NCAN: variants seen among roughly 807,000 people sequenced by gnomAD.
The protein encoded by NCAN is neurocan core protein.
A neutral mutation model predicts 121.8 loss-of-function variants in NCAN; 47 were observed. The ratio of observed to expected loss-of-function variants is 0.39; its 90% CI spans 0.31 to 0.49. The LOEUF is 0.49. NCAN is among the 20% of genes least tolerant of loss of function. NCAN has a pLI of 0.92. For synonymous variants in NCAN, 633 were observed against 702.0 expected, an observed-to-expected ratio of 0.90 and a Z score of 1.55; for missense variants, 1,517 against 1,773.4, an observed-to-expected ratio of 0.86 and a Z score of 2.60.
intron 8 of NCAN, among the ~76,000 whole-genome samples, chr19:19,229,789 A>G (rs940979465): frequency 3.9e-5 from 6 of 152,212 alleles, no homozygotes; most frequent in African/African-American, 1.4e-4. Context: ...CAAACAAACA[A>G]AAAAGAGGCT....
At chr19:19,226,016 A>G (rs952023853) in intron 6 of NCAN, among the ~76,000 whole-genome samples, 12 of 147,918 alleles carry the variant, frequency 8.1e-5, no homozygotes, top group African/African-American at 3.0e-4. Flanking sequence ...TGCAACCTCC[A>G]CCTCCCTTGT....
chr19:19,237,072 C>A (rs534993663), intron 10 of NCAN, among the ~76,000 whole-genome samples: 1 of 150,504 alleles, frequency 6.6e-6, no homozygotes, highest in Non-Finnish European at 1.5e-5. Context: ...TACCACCACA[C>A]GTGACTCAAT....
chr19:19,250,844 C>A lies in NCAN; in HGVS notation c.*933C>A. On this transcript the variant is annotated 3_prime_UTR_variant, in exon 15 of 15. Transcript: ENST00000252575. ...TAGTGCCCCTGCCCTGGGTCCCACT[C>A]CTGCCCCACCCCACCCTTGTCCCTG... 1 of 158,176 alleles carries A rather than the reference C, an allele frequency of 6.3e-6. No homozygotes were observed. The highest frequency in any genetic ancestry group is 1.6e-4 in the East Asian group (1 of 6,276). 9.8% of individuals were successfully genotyped at this position (158,176 alleles called of 1,614,324 possible). A position where few individuals can be genotyped will look rare whatever the true frequency, so the allele number is the denominator to read the frequency against.
intron 10 of NCAN, 45 bp downstream of exon 10, chr19:19,235,141 T>G (rs1431347982): frequency 1.4e-6 from 2 of 1,385,424 alleles, no homozygotes; most frequent in Non-Finnish European, 2.0e-6. Context: ...AGAGTGGGGT[T>G]GGGTGCCCAG....
intron 12 of NCAN, among the ~76,000 whole-genome samples, chr19:19,242,047 T>C (rs1326150150): frequency 4.6e-5 from 7 of 151,244 alleles, no homozygotes; most frequent in Admixed American, 4.0e-4. Context: ...ATACAAAAAT[T>C]AGCTGGGTGT....
At chr19:19,245,602 C>T (rs184056101) in intron 13 of NCAN, 145 bp downstream of exon 13, 12 of 920,304 alleles carry the variant, frequency 1.3e-5, no homozygotes, top group African/African-American at 6.7e-5. Context: ...CTCAGCTTCC[C>T]GAGTAGGTGG....
chr19:19,213,221 T>C (rs1216406726), intron 1 of NCAN, among the ~76,000 whole-genome samples: 1 of 152,086 alleles, frequency 6.6e-6, no homozygotes, highest in Non-Finnish European at 1.5e-5. Flanking sequence ...TGAAATCAAG[T>C]TCCCCCTCAA....
chr19:19,213,618 G>A (rs2060784162), intron 1 of NCAN, among the ~76,000 whole-genome samples: 1 of 151,980 alleles, frequency 6.6e-6, no homozygotes. Flanking sequence ...GAATCTGTGT[G>A]AGTGTGTGTT....
intron 8 of NCAN, among the ~76,000 whole-genome samples, chr19:19,232,332 C>T (rs755822653): frequency 6.6e-5 from 10 of 152,240 alleles, no homozygotes; most frequent in Non-Finnish European, 1.0e-4. Context: ...GCAGTACCAG[C>T]GAGTGACTGA....
intron 12 of NCAN, among the ~76,000 whole-genome samples, chr19:19,241,338 G>A (rs989220861): frequency 7.9e-5 from 12 of 151,996 alleles, no homozygotes; most frequent in Admixed American, 2.0e-4. Context: ...TGAGTGAGGA[G>A]GATCACTTGA....
chr19:19,221,579 AT>A (rs1192900940), intron 3 of NCAN, among the ~76,000 whole-genome samples: 17 of 152,040 alleles, frequency 1.1e-4, no homozygotes, highest in African/African-American at 3.9e-4. Context: ...AAAAATAATA[AT>A]AATAATAATA....
chr19:19,213,997 C>G (rs62135543), intron 1 of NCAN, among the ~76,000 whole-genome samples: 26,377 of 152,062 alleles, frequency 0.17, 2,725 homozygotes, highest in Middle Eastern at 0.29. Flanking sequence ...ATGTGCTCCA[C>G]CCGGTGCACG....
At chr19:19,240,526 C>G in intron 11 of NCAN, 77 bp from the exon 12 acceptor site, 2 of 1,424,664 alleles carry the variant, frequency 1.4e-6, no homozygotes, top group Non-Finnish European at 2.0e-6. Flanking sequence ...CACCCTACCC[C>G]ACCTCACCTG....
At chr19:19,249,744 G>A (rs765494845) in intron 14 of NCAN, 22 bp from the exon 15 acceptor site, 2 of 1,582,976 alleles carry the variant, frequency 1.3e-6, no homozygotes, top group Non-Finnish European at 1.7e-6. Context: ...TCCCTTCCCT[G>A]TCCTCCCTCA....
In NCAN at chr19:19,234,117, C is replaced by G. The variant is rs989633418; in HGVS notation, c.3136+212C>G. On this transcript the variant is annotated intron_variant, in intron 9 of 14. Coordinates refer to ENST00000252575, the MANE Select transcript of NCAN (RefSeq NM_004386.3). ...TGAGCTTTCATCTCTGGTGTGCTGT[C>G]TCCCATTACTACCAGTCAGAGGTGG... Among the ~76,000 whole-genome samples, 7 of 152,260 alleles carry G rather than the reference C, an allele frequency of 4.6e-5. No individual in the cohort carries two copies. In the East Asian group the frequency reaches 5.8e-4, roughly 13 times the overall value.
Position 19,225,324 on chromosome 19 carries a change from C to T in NCAN, c.1072+54C>T. On this transcript the variant is annotated intron_variant, in intron 6 of 14. Transcript: ENST00000252575. This position sits in a 1 kb window ranked among gnomAD's most constrained non-coding sequence, Gnocchi z 4.0. ...CCAGGGCTTTCACTTTGGCGAAGGC[C>T]ACGTCCCTGAAAGCCTCGCCAAGCC... is the stretch of plus-strand genomic sequence containing the variant. 6.9e-7 allele frequency: 1 copy of T among 1,458,466 alleles called. No homozygotes were observed. The highest frequency in any genetic ancestry group is 8.9e-7 in the Non-Finnish European group (1 of 1,119,254). 90.3% of individuals were successfully genotyped at this position (1,458,466 alleles called of 1,614,324 possible).
rs1048789582 is a variant in NCAN at position 19,225,207 on chromosome 19, C to A, written c.1009C>A (p.Arg337Ser). ...AGCCCCGGGCGTGCGCACCGTCTAC[C>A]GCTTCGCTAACCGGACCGGCTTCCC... ...GPAPGVRTVY[R>S]FANRTGFPSP... The change falls in exon 6 of 15, where the codon CGC (arginine) becomes AGC (serine). Residue 337 changes from arginine (R) to serine (S), a missense_variant. Transcript: ENST00000252575. This position sits in a 1 kb window ranked among gnomAD's most constrained non-coding sequence, Gnocchi z 4.0. 2 of 1,570,528 alleles carry A rather than the reference C, an allele frequency of 1.3e-6. No homozygotes were observed. Among genetic ancestry groups the A allele is most frequent in the Non-Finnish European group, 1.7e-6 (2 of 1,168,928 alleles).
Position 19,238,378 on chromosome 19 carries a change from G to A in NCAN, c.3376G>A (p.Val1126Ile), listed in dbSNP as rs568608129. 82 of 1,614,184 alleles carry A rather than the reference G, an allele frequency of 5.1e-5. No individual in the cohort carries two copies. Among genetic ancestry groups the A allele is most frequent in the East Asian group, 1.1e-4 (5 of 44,884 alleles). ...CRRRSGHLTS[V>I]HSPEEHSFIN... ...CCGCCGCTCCGGCCACCTGACCAGC[G>A]TCCACTCACCGGAGGAACACAGCTT... Residue 1126 changes from valine to isoleucine, a missense_variant, in exon 11 of 15, where the codon GTC (valine) becomes ATC (isoleucine). Coordinates refer to ENST00000252575, the MANE Select transcript of NCAN (RefSeq NM_004386.3).
intron 12 of NCAN, among the ~76,000 whole-genome samples, chr19:19,242,348 C>T (rs572679894): frequency 2.0e-4 from 30 of 152,222 alleles, no homozygotes; most frequent in African/African-American, 7.0e-4. Context: ...ATGATTGCAC[C>T]ACTGCACTCC....
Sources: allele counts gnomAD v4.1 joint callset (sites outside exome capture counted in the v4.1 genomes callset), GRCh38; gene constraint gnomAD v4.1.1; non-coding constraint Gnocchi (gnomAD v3.1); transcripts MANE v1.5; gene names NCBI Gene and HGNC (gene_info 2026-07-23, HGNC 2026-07-21).